The following TIAM2 variants were observed in gnomAD, a reference collection of about 807,000 sequenced individuals.
The protein encoded by TIAM2 is TIAM Rac1 associated GEF 2.
TIAM2 carries 80 observed loss-of-function variants against 152.9 expected under a neutral mutation model. The observed-to-expected ratio is 0.52, with a 90% CI of 0.44 to 0.63. TIAM2 has a LOEUF of 0.63. Among genes scored for constraint, TIAM2 ranks in the 30% least tolerant of loss-of-function variants. The pLI is 0.00. For synonymous variants in TIAM2, 804 were observed against 838.0 expected (o/e 0.96, Z 0.70); for missense variants, 1,965 against 2,120.1 (o/e 0.93, Z 1.44).
chr6:155,235,376 G>A (rs1456814227), intron 15 of TIAM2, among the ~76,000 whole-genome samples: 1 of 152,208 alleles, frequency 6.6e-6, no homozygotes, highest in Non-Finnish European at 1.5e-5. Flanking sequence ...GGTTGAGCCT[G>A]GACTGCAGCC....
At chr6:155,155,392 C>G (rs1562334942) in intron 7 of TIAM2, among the ~76,000 whole-genome samples, 1 of 152,198 alleles carries the variant, frequency 6.6e-6, no homozygotes, top group African/African-American at 2.4e-5. Context: ...TCTCAAACTC[C>G]TGACCTCAAC....
chr6:155,159,673 C>G (rs963495962), intron 7 of TIAM2, among the ~76,000 whole-genome samples: 3 of 152,078 alleles, frequency 2.0e-5, no homozygotes, highest in African/African-American at 7.2e-5. Context: ...TCTAAGGAAC[C>G]CGAGCTTCTG....
intron 15 of TIAM2, among the ~76,000 whole-genome samples, chr6:155,235,021 G>C (rs1016682311): frequency 6.6e-6 from 1 of 151,578 alleles, no homozygotes. Flanking sequence ...CACAGCTAGA[G>C]ACAGAGCACA....
At chr6:155,083,154 C>T (rs1460357527) in intron 1 of TIAM2, among the ~76,000 whole-genome samples, 1 of 151,870 alleles carries the variant, frequency 6.6e-6, no homozygotes, top group African/African-American at 2.4e-5. Context: ...TCAAGACCAG[C>T]TCGGTGAACA....
At chr6:155,232,958 T>C (rs1782554614) in intron 15 of TIAM2, 1 of 152,188 alleles carries the variant, frequency 6.6e-6, no homozygotes, top group Admixed American at 6.5e-5. Context: ...TTTAAACCTT[T>C]TTTCTTAGAC....
In TIAM2 at chr6:155,159,599, C is replaced by T. The variant is rs577290607; in HGVS notation, c.2029-4816C>T. ...GCAATTTCATTGTGAATGTTAACAG[C>T]CTTTCTAAATACTATAAGGTCTGTT... On this transcript the variant is annotated intron_variant, in intron 7 of 26. Transcript: ENST00000682666. Among the ~76,000 whole-genome samples, 6 of 152,270 alleles carry T rather than the reference C, an allele frequency of 3.9e-5. No individual in the cohort carries two copies. In the East Asian group the frequency reaches 5.8e-4, roughly 15 times the overall value.
chr6:155,185,123 C>CTTTTTTTTTTTTTTT (rs11404301), intron 14 of TIAM2, among the ~76,000 whole-genome samples: 1 of 92,414 alleles, frequency 1.1e-5, no homozygotes, highest in African/African-American at 4.4e-5. Context: ...GCAAATTTAC[C>CTTTTTTTTTTTTTTT]TTTTTTTTTT....
intron 15 of TIAM2, among the ~76,000 whole-genome samples, chr6:155,219,981 T>G (rs1447864365): frequency 6.6e-6 from 1 of 152,146 alleles, no homozygotes; most frequent in East Asian, 1.9e-4. Context: ...TAGAGAGGGA[T>G]GAACAACAGA....
chr6:155,142,350 G>A (rs1779729979), intron 5 of TIAM2, among the ~76,000 whole-genome samples: 1 of 152,230 alleles, frequency 6.6e-6, no homozygotes. Context: ...CCAAGTTAGA[G>A]CGGTAGTCTG....
chr6:155,257,000 AG>A lies in TIAM2; in HGVS notation c.4986del (p.Gln1662HisfsTer9), dbSNP rs755875001. The A allele has an allele frequency of 2.5e-6, 4 of 1,614,222 alleles. No individual in the cohort carries two copies. Among genetic ancestry groups the A allele is most frequent in the East Asian group, 2.2e-5 (1 of 44,886 alleles). On this transcript the variant is annotated frameshift_variant, in exon 27 of 27. Coordinates refer to ENST00000682666, the MANE Select transcript of TIAM2 (RefSeq NM_012454.4). LOFTEE classifies it high-confidence loss of function. Reference sequence around the variant, plus strand: ...ATCCGTCACCAGTCCCTTGACAGTCAGTCTGAAAATGCCACCATCGACCTAA... The same window carrying A: ...ATCCGTCACCAGTCCCTTGACAGTCATCTGAAAATGCCACCATCGACCTAA... ...AQIRHQSLDSQSENATIDLNS... is the reference protein window; with the variant it reads ...AQIRHQSLDSXSENATIDLNS...
intron 4 of TIAM2, among the ~76,000 whole-genome samples, chr6:155,131,969 T>C (rs1562326811): frequency 6.6e-6 from 1 of 151,916 alleles, no homozygotes; most frequent in Non-Finnish European, 1.5e-5. Context: ...AAAATATATA[T>C]ACTGATAAAA....
intron 2 of TIAM2, among the ~76,000 whole-genome samples, chr6:155,101,637 A>T (rs1396742164): frequency 1.3e-5 from 2 of 152,150 alleles, no homozygotes; most frequent in East Asian, 1.9e-4. Flanking sequence ...ATATGGAAGG[A>T]GTTTTTATTG....
At position 155,254,060 on chromosome 6, in the gene TIAM2, G is replaced by C; in HGVS notation, c.4313G>C (p.Ser1438Thr). ...RPETIFQLCC[S>T]DSESKTNIVK... is the part of the protein sequence containing the mutation. ...GAAACCATCTTTCAGTTGTGTTGCAGGTATGACTGACTTCCAAAGATTAAA... is the reference window on the plus strand; with the variant it reads ...GAAACCATCTTTCAGTTGTGTTGCACGTATGACTGACTTCCAAAGATTAAA... The change falls in exon 25 of 27, where the codon AGT becomes ACT. Residue 1438 changes from serine (S) to threonine (T), a missense_variant and splice_region_variant. Physicochemically the swap from Ser to Thr is moderately conservative, Grantham distance 58. Transcript: ENST00000682666. 6 of 1,613,582 alleles carry C rather than the reference G, an allele frequency of 3.7e-6. No individual in the cohort carries two copies. Among genetic ancestry groups the C allele is most frequent in the Non-Finnish European group, 5.1e-6 (6 of 1,179,688 alleles).
chr6:155,022,094 A>G (rs1196088182), intron 1 of TIAM2, among the ~76,000 whole-genome samples: 1 of 152,178 alleles, frequency 6.6e-6, no homozygotes, highest in Non-Finnish European at 1.5e-5. Flanking sequence ...TTTCAGTCCA[A>G]AGGAGCTTAG....
intron 1 of TIAM2, among the ~76,000 whole-genome samples, chr6:155,087,472 G>C (rs1562311614): frequency 6.6e-6 from 1 of 152,064 alleles, no homozygotes; most frequent in Non-Finnish European, 1.5e-5. Context: ...TTTTCGGCTG[G>C]GTGCAGTGGC....
rs1242556812 is a variant in TIAM2 at position 155,028,339 on chromosome 6, ATAC to A, written c.-209+32849_-209+32851del. 5.6e-5 allele frequency among the ~76,000 whole-genome samples: 7 copies of A among 126,062 alleles called. 1 individual carries two copies. The highest frequency in any genetic ancestry group is 1.1e-4 in the Non-Finnish European group (7 of 62,380). The allele number at this position is 126,062 out of a possible 152,430, so 82.7% of individuals were successfully genotyped here. A position where few individuals can be genotyped will look rare whatever the true frequency, so the allele number is the denominator to read the frequency against. The stretch of plus-strand genomic sequence containing the variant: ...GTTACATATATACTACATATAATAT[ATAC>A]TGTGTTACATATATACTACATATAA... On this transcript the variant is annotated intron_variant, in intron 1 of 26. Coordinates refer to ENST00000682666, the MANE Select transcript of TIAM2 (RefSeq NM_012454.4).
chr6:155,039,209 C>T (rs1369041524), intron 1 of TIAM2, among the ~76,000 whole-genome samples: 1 of 151,872 alleles, frequency 6.6e-6, no homozygotes, highest in African/African-American at 2.4e-5. Context: ...GATCCTCCTA[C>T]CTTGGCCTCT....
At chr6:155,175,084 C>T (rs556057019) in intron 9 of TIAM2, among the ~76,000 whole-genome samples, 12 of 152,248 alleles carry the variant, frequency 7.9e-5, no homozygotes, top group East Asian at 3.9e-4. Context: ...AGAGAGTGTC[C>T]GGGCTGGTTC....
chr6:155,142,254 T>A lies in TIAM2; in HGVS notation c.1631-2352T>A, dbSNP rs12662576. On this transcript the variant is annotated intron_variant, in intron 5 of 26. Transcript: ENST00000682666. Reference sequence around the variant, plus strand: ...AGTTAAGATTGATTTCCTGATTTTTTAAATTTGATAGCCACAAAATTCTGC... The same window carrying A: ...AGTTAAGATTGATTTCCTGATTTTTAAAATTTGATAGCCACAAAATTCTGC... Among the ~76,000 whole-genome samples, 244 of 151,816 alleles carry A rather than the reference T, an allele frequency of 1.6e-3. 3 individuals carry two copies. The highest frequency in any genetic ancestry group is 7.3e-3 in the East Asian group (37 of 5,094).
Sources: gnomAD v4.1 joint callset for allele counts (sites outside exome capture counted in the v4.1 genomes callset) on GRCh38, gnomAD v4.1.1 for gene constraint, MANE v1.5 for transcripts, NCBI Gene and HGNC (gene_info 2026-07-23, HGNC 2026-07-21) for gene names.